The following TBC1D5 variants were observed in gnomAD, a reference collection of about 807,000 sequenced individuals.
TBC1D5 encodes TBC1 domain family, member 5.
In TBC1D5, 75 loss-of-function variants were observed where a neutral mutation model predicts 100.3. The observed-to-expected ratio is 0.75, with a 90% CI of 0.62 to 0.91. The LOEUF is 0.91. TBC1D5 is among the 40% of genes least tolerant of loss of function. The pLI, the probability that TBC1D5 is intolerant of heterozygous loss-of-function variation, is 0.00. For missense variants in TBC1D5, 910 were observed against 942.4 expected, an observed-to-expected ratio of 0.97 and a Z score of 0.45; for synonymous variants, 323 against 325.6, an observed-to-expected ratio of 0.99 and a Z score of 0.09.
intron 1 of TBC1D5, among the ~76,000 whole-genome samples, chr3:17,633,568 T>C (rs551657268): frequency 6.6e-6 from 1 of 152,282 alleles, no homozygotes; most frequent in African/African-American, 2.4e-5. Flanking sequence ...CTGTTAATCA[T>C]TGAGAGAACA....
At position 17,501,336 on chromosome 3, in the gene TBC1D5, T is replaced by C. The variant is rs1049828683; in HGVS notation, c.97+7138A>G. 4.0e-5 allele frequency among the ~76,000 whole-genome samples: 6 copies of C among 149,700 alleles called. 1 individual carries two copies. The highest frequency in any genetic ancestry group is 6.6e-5 in the Admixed American group (1 of 15,144). On this transcript the variant is annotated intron_variant, in intron 3 of 21. Transcript: ENST00000253692. ...ATGTTTCACCAAATTAATGCACTTA[T>C]CAAACACATAAGAATTATTAAGAGA...
At chr3:17,372,165 T>C (rs779686984) in exon 13 of TBC1D5, 14 of 1,613,764 alleles carry the variant, frequency 8.7e-6, no homozygotes, top group South Asian at 3.3e-5. Flanking sequence ...CTGGATCTGG[T>C]TGACTTTAGT....
At chr3:17,361,672 A>C (rs1359632503) in intron 13 of TBC1D5, among the ~76,000 whole-genome samples, 1 of 152,088 alleles carries the variant, frequency 6.6e-6, no homozygotes. Context: ...TTAAAGAAAA[A>C]TTTAAAATAT....
At chr3:17,620,457 T>A (rs1054710098) in intron 2 of TBC1D5, among the ~76,000 whole-genome samples, 1 of 152,196 alleles carries the variant, frequency 6.6e-6, no homozygotes, top group East Asian at 1.9e-4. Context: ...CACAAAGTAG[T>A]AAGCACCTGC....
intron 15 of TBC1D5, among the ~76,000 whole-genome samples, chr3:17,277,919 A>G (rs2080191316): frequency 6.6e-6 from 1 of 152,200 alleles, no homozygotes; most frequent in Non-Finnish European, 1.5e-5. Context: ...CGATCTCTAG[A>G]GTTTTAACCA....
At chr3:17,273,390 G>A (rs1192874413) in intron 15 of TBC1D5, among the ~76,000 whole-genome samples, 2 of 151,816 alleles carry the variant, frequency 1.3e-5, no homozygotes, top group African/African-American at 2.4e-5. Context: ...ACTTATACTC[G>A]AAGACTCCTA....
At chr3:17,309,888 T>C (rs115410886) in intron 13 of TBC1D5, among the ~76,000 whole-genome samples, 2,818 of 152,182 alleles carry the variant, frequency 0.019, 85 homozygotes, top group African/African-American at 0.064. Flanking sequence ...TCTTAAACGA[T>C]GAAAACATGT....
chr3:17,222,261 C>T lies in TBC1D5; in HGVS notation c.1589-7891G>A, dbSNP rs182314584. On this transcript the variant is annotated intron_variant, in intron 17 of 21. Transcript: ENST00000253692. ...TTTTCTTCTGAGTGGCCTTTTATCT[C>T]TGTCTTTCAGGGTTTTGGTAATTGG... Among the ~76,000 whole-genome samples, 179 of 152,156 alleles carry T rather than the reference C, an allele frequency of 1.2e-3. 2 individuals are homozygous for T. Among genetic ancestry groups the T allele is most frequent in the Admixed American group, 9.5e-3 (145 of 15,274 alleles).
At chr3:17,711,982 C>A (rs2074784301) in intron 1 of TBC1D5, among the ~76,000 whole-genome samples, 1 of 152,170 alleles carries the variant, frequency 6.6e-6, no homozygotes. Flanking sequence ...AAGCCAGTAC[C>A]AAAGAACAAC....
chr3:17,328,920 T>A (rs2086534159), intron 13 of TBC1D5, among the ~76,000 whole-genome samples: 1 of 152,204 alleles, frequency 6.6e-6, no homozygotes, highest in Non-Finnish European at 1.5e-5. Flanking sequence ...TTTATAACAT[T>A]ATTAAGCTAA....
chr3:17,291,783 G>T, intron 15 of TBC1D5, 112 bp downstream of exon 15: 1 of 937,006 alleles, frequency 1.1e-6, no homozygotes. Context: ...CTACCATTAG[G>T]CAATTCATCT....
At chr3:17,483,103 T>C (rs1413879543) in intron 3 of TBC1D5, among the ~76,000 whole-genome samples, 2 of 152,102 alleles carry the variant, frequency 1.3e-5, no homozygotes, top group Non-Finnish European at 2.9e-5. Flanking sequence ...TAAATACTTC[T>C]TAGTGTTTCC....
At chr3:17,544,669 C>CAAAAAAAAAAAAAAAA (rs2096396876) in intron 2 of TBC1D5, among the ~76,000 whole-genome samples, 1 of 130,216 alleles carries the variant, frequency 7.7e-6, no homozygotes, top group African/African-American at 3.3e-5. Context: ...AAAAAAAAAG[C>CAAAAAAAAAAAAAAAA]ACCTTAAGAA....
At chr3:17,622,318 G>A (rs996430238) in intron 2 of TBC1D5, among the ~76,000 whole-genome samples, 1 of 152,062 alleles carries the variant, frequency 6.6e-6, no homozygotes, top group Non-Finnish European at 1.5e-5. Flanking sequence ...CCCAGTCCAT[G>A]ACCAGGGGAT....
At chr3:17,511,818 A>G (rs2095911486) in intron 2 of TBC1D5, among the ~76,000 whole-genome samples, 1 of 152,078 alleles carries the variant, frequency 6.6e-6, no homozygotes, top group Non-Finnish European at 1.5e-5. Flanking sequence ...TATTATGCCT[A>G]TAGATTGAAA....
At chr3:17,642,297 G>T (rs2064587766) in intron 1 of TBC1D5, among the ~76,000 whole-genome samples, 1 of 152,070 alleles carries the variant, frequency 6.6e-6, no homozygotes, top group Non-Finnish European at 1.5e-5. Context: ...GCAATCTGCA[G>T]TTAGGCAACG....
intron 13 of TBC1D5, among the ~76,000 whole-genome samples, chr3:17,326,196 G>A (rs1046852972): frequency 3.3e-5 from 5 of 152,174 alleles, no homozygotes; most frequent in African/African-American, 1.2e-4. Context: ...GATAAAGAGA[G>A]AACCTGAAAT....
chr3:17,174,159 C>T (rs2067458233), intron 19 of TBC1D5, among the ~76,000 whole-genome samples: 1 of 152,166 alleles, frequency 6.6e-6, no homozygotes, highest in Admixed American at 6.5e-5. Flanking sequence ...AGCAGTCTTC[C>T]CTCCAGTAGC....
chr3:17,158,560 T>C (rs2065781221), exon 22 of TBC1D5: 1 of 152,248 alleles, frequency 6.6e-6, no homozygotes, highest in Admixed American at 6.5e-5. Flanking sequence ...GTACTACCCA[T>C]GACCCACTGT....
Sources: gnomAD v4.1 joint callset for allele counts (sites outside exome capture counted in the v4.1 genomes callset) on GRCh38, gnomAD v4.1.1 for gene constraint, MANE v1.5 for transcripts, NCBI Gene and HGNC (gene_info 2026-07-23, HGNC 2026-07-21) for gene names.